Variants in CSPP1 observed in about 807,000 individuals in gnomAD.
The protein encoded by CSPP1 is centrosome and spindle pole-associated protein 1.
CSPP1 carries 126 observed loss-of-function variants against 164.4 expected under a neutral mutation model. The ratio of observed to expected loss-of-function variants is 0.77; its 90% CI spans 0.66 to 0.89. The LOEUF is 0.89. CSPP1 is among the 40% of genes least tolerant of loss of function. The pLI is 0.00. For synonymous variants in CSPP1, 472 were observed against 476.7 expected (o/e 0.99, Z 0.13); for missense variants, 1,395 against 1,449.8 (o/e 0.96, Z 0.61).
Position 67,098,873 on chromosome 8 carries a change from C to A in CSPP1, c.923+3141C>A, listed in dbSNP as rs372124943. Among the ~76,000 whole-genome samples, 3 of 151,048 alleles carry A rather than the reference C, an allele frequency of 2.0e-5. No individual in the cohort carries two copies. In the East Asian group the frequency reaches 5.8e-4, roughly 29 times the overall value. On this transcript the variant is annotated intron_variant, in intron 7 of 30. Coordinates refer to ENST00000678616, the MANE Select transcript of CSPP1 (RefSeq NM_001382391.1). ...GGTTGATAATAGAAAACACTGCTAC[C>A]AAAGTAAATATAAAAATTGGGAAAG...
intron 19 of CSPP1, among the ~76,000 whole-genome samples, chr8:67,158,191 A>G (rs1827033251): frequency 6.6e-6 from 1 of 152,216 alleles, no homozygotes; most frequent in African/African-American, 2.4e-5. Context: ...TGTGTTTACC[A>G]GAAAAAAGAG....
chr8:67,149,648 C>T (rs1454248834), intron 17 of CSPP1, 135 bp from the exon 18 acceptor site: 1 of 542,464 alleles, frequency 1.8e-6, no homozygotes, highest in Non-Finnish European at 3.1e-6. Flanking sequence ...TTTCAGGGCA[C>T]CAACATATCA....
chr8:67,158,045 A>G (rs572060662), intron 19 of CSPP1, among the ~76,000 whole-genome samples: 23 of 151,982 alleles, frequency 1.5e-4, no homozygotes, highest in Non-Finnish European at 2.4e-4. Context: ...TTGACACATA[A>G]TAGCAGCAAT....
At chr8:67,070,036 C>T (rs72654936) in intron 1 of CSPP1, among the ~76,000 whole-genome samples, 62 of 93,468 alleles carry the variant, frequency 6.6e-4, no homozygotes, top group Non-Finnish European at 1.1e-3. Flanking sequence ...TCATTTTATT[C>T]CTATCAGACA....
At position 67,158,892 on chromosome 8, in the gene CSPP1, A is replaced by G. The variant is rs1036294420; in HGVS notation, c.2392-99A>G. ...TAAAGAACACCATATCATGTCATCT[A>G]TATCTTTATCTCATTTTATCAGATA... On this transcript the variant is annotated intron_variant, in intron 20 of 30. Transcript: ENST00000678616. 4.7e-6 allele frequency: 5 copies of G among 1,064,034 alleles called. No homozygotes were observed. The African/African-American group carries it at 4.8e-5, about 10-fold the overall frequency. The allele number at this position is 1,064,034 out of a possible 1,614,324, so 65.9% of individuals were successfully genotyped here. A position where few individuals can be genotyped will look rare whatever the true frequency, so the allele number is the denominator to read the frequency against.
intron 28 of CSPP1, among the ~76,000 whole-genome samples, chr8:67,184,744 T>C: frequency 7.0e-6 from 1 of 142,510 alleles, no homozygotes; most frequent in East Asian, 2.1e-4. Flanking sequence ...AATAAAAAAA[T>C]ATAATAATAA....
At chr8:67,159,912 CTTTCTTTCT>C (rs1827667094) in intron 21 of CSPP1, among the ~76,000 whole-genome samples, 3 of 61,050 alleles carry the variant, frequency 4.9e-5, no homozygotes, top group Non-Finnish European at 9.2e-5. Flanking sequence ...TTCTTTCTTT[CTTTCTTTCT>C]TTCCTTTCCT....
At chr8:67,092,733 G>A (rs1375827642) in intron 5 of CSPP1, among the ~76,000 whole-genome samples, 7 of 152,098 alleles carry the variant, frequency 4.6e-5, no homozygotes, top group Admixed American at 3.3e-4. Context: ...GTGAGCCACC[G>A]CTCCCAGCTG....
chr8:67,111,720 T>C (rs1258526714), intron 9 of CSPP1, among the ~76,000 whole-genome samples: 1 of 152,174 alleles, frequency 6.6e-6, no homozygotes, highest in African/African-American at 2.4e-5. Flanking sequence ...CATTCTGTTA[T>C]TTAGGAAAAT....
chr8:67,173,660 A>C (rs1002548240), intron 25 of CSPP1: 1 of 144,802 alleles, frequency 6.9e-6, no homozygotes, highest in African/African-American at 2.6e-5. Flanking sequence ...TAATTAAAAG[A>C]AAAAAAAAGA....
intron 21 of CSPP1, among the ~76,000 whole-genome samples, chr8:67,161,558 T>A (rs1457523246): frequency 6.6e-6 from 1 of 152,228 alleles, no homozygotes; most frequent in Non-Finnish European, 1.5e-5. Context: ...GTTTGTTGAT[T>A]TTTTAAATCC....
chr8:67,074,334 C>T lies in CSPP1; in HGVS notation c.82C>T (p.Pro28Ser). 15 of 1,597,056 alleles carry T rather than the reference C, an allele frequency of 9.4e-6. No individual in the cohort carries two copies. The highest frequency in any genetic ancestry group is 1.3e-5 in the Non-Finnish European group (15 of 1,169,500). The change falls in exon 2 of 31, where the codon CCT (proline) becomes TCT (serine). Residue 28 changes from proline to serine, a missense_variant. Transcript: ENST00000678616. ...CAAAGCAGAGTTGGAAAGTGATCCA[C>T]CTTACATGGAAATGAAGGTAAATTT... The part of the protein sequence containing the change: ...EDKAELESDP[P>S]YMEMKGKLSA...
rs895105569 is a variant in CSPP1, at chr8:67,151,980, T to C, written c.2129-2044T>C. 8.7e-5 allele frequency among the ~76,000 whole-genome samples: 13 copies of C among 148,716 alleles called. 1 individual carries two copies. The highest frequency in any genetic ancestry group is 4.2e-4 in the South Asian group (2 of 4,718). ...GCATGTGCCTGTAGTCCCAGCTACT[T>C]GGGAGGCTGAGGCAGGAGAATTGCT... On this transcript the variant is annotated intron_variant, in intron 18 of 30. Transcript: ENST00000678616.
intron 3 of CSPP1, chr8:67,081,199 A>T (rs755167679): frequency 2.3e-5 from 3 of 132,410 alleles, no homozygotes; most frequent in Admixed American, 7.4e-5. Flanking sequence ...GGTAAATTTT[A>T]AGGTCAAACC....
chr8:67,165,884 A>G (rs906249624), intron 24 of CSPP1, among the ~76,000 whole-genome samples: 3 of 152,242 alleles, frequency 2.0e-5, no homozygotes, highest in African/African-American at 7.2e-5. Context: ...ATTAAGCTTC[A>G]TCTCTTGGAG....
intron 21 of CSPP1, 117 bp from the exon 22 acceptor site, chr8:67,161,694 C>G: frequency 1.8e-6 from 1 of 552,946 alleles, no homozygotes; most frequent in Non-Finnish European, 3.2e-6. Context: ...TAAATAAAAG[C>G]AATAACAATC....
chr8:67,088,657 G>A (rs1810941015), intron 4 of CSPP1, among the ~76,000 whole-genome samples: 1 of 150,790 alleles, frequency 6.6e-6, no homozygotes, highest in Non-Finnish European at 1.5e-5. Flanking sequence ...AGTACTTTGG[G>A]AGGCAGAGGC....
At chr8:67,139,381 T>C (rs1237801614) in intron 17 of CSPP1, among the ~76,000 whole-genome samples, 3 of 152,010 alleles carry the variant, frequency 2.0e-5, no homozygotes, top group African/African-American at 2.4e-5. Context: ...AGGAACACTT[T>C]TACACTGTTG....
chr8:67,084,726 G>A (rs1285004176), intron 3 of CSPP1, among the ~76,000 whole-genome samples: 4 of 150,816 alleles, frequency 2.7e-5, no homozygotes, highest in Non-Finnish European at 5.9e-5. Flanking sequence ...GTAACAGAGC[G>A]AGACCCTGTC....
Sources: gnomAD v4.1 joint callset for allele counts (sites outside exome capture counted in the v4.1 genomes callset) on GRCh38, gnomAD v4.1.1 for gene constraint, MANE v1.5 for transcripts, NCBI Gene and HGNC (gene_info 2026-07-23, HGNC 2026-07-21) for gene names.